Variants in MAGI1 observed in about 807,000 individuals in gnomAD.
The protein encoded by MAGI1 is membrane associated guanylate kinase, WW and PDZ domain containing 1.
MAGI1 carries 58 observed loss-of-function variants against 139.9 expected under a neutral mutation model. That is an observed-to-expected ratio of 0.41 (90% confidence interval 0.34 to 0.52). The LOEUF is 0.52. MAGI1 is among the 20% of genes least tolerant of loss of function. The probability of loss-of-function intolerance (pLI) is 0.12; values close to 1 mark genes in which losing one functional copy is unlikely to be tolerated. For synonymous variants in MAGI1, 812 were observed against 737.9 expected (o/e 1.10, Z -1.63); for missense variants, 1,874 against 1,901.6 (o/e 0.99, Z 0.27).
intron 1 of MAGI1, among the ~76,000 whole-genome samples, chr3:65,709,030 C>T (rs568628990): frequency 4.6e-5 from 7 of 152,166 alleles, no homozygotes; most frequent in African/African-American, 7.2e-5. Context: ...TTTACCTGGA[C>T]CTCAGAAGAG....
At chr3:65,517,095 C>T (rs2077939499) in intron 2 of MAGI1, among the ~76,000 whole-genome samples, 1 of 152,114 alleles carries the variant, frequency 6.6e-6, no homozygotes, top group Non-Finnish European at 1.5e-5. Context: ...GGAAGCTAAG[C>T]TCTAAAATTT....
intron 1 of MAGI1, among the ~76,000 whole-genome samples, chr3:65,661,648 T>C (rs1448093283): frequency 6.6e-6 from 1 of 152,156 alleles, no homozygotes; most frequent in African/African-American, 2.4e-5. Context: ...GGGAAGCATA[T>C]GAAATTCATA....
intron 1 of MAGI1, among the ~76,000 whole-genome samples, chr3:65,749,762 G>A (rs1175583684): frequency 6.6e-6 from 1 of 150,520 alleles, no homozygotes; most frequent in African/African-American, 2.4e-5. Context: ...ATGCAAATGA[G>A]GTTGAGGGTT....
chr3:65,573,782 G>A (rs1024286755), intron 2 of MAGI1, among the ~76,000 whole-genome samples: 1 of 152,112 alleles, frequency 6.6e-6, no homozygotes, highest in African/African-American at 2.4e-5. Flanking sequence ...GAATAGAAAA[G>A]GAAGATGTAA....
At chr3:65,960,088 T>G (rs1023720487) in intron 1 of MAGI1, among the ~76,000 whole-genome samples, 2 of 152,062 alleles carry the variant, frequency 1.3e-5, no homozygotes, top group Non-Finnish European at 2.9e-5. Flanking sequence ...ATTACAGGTG[T>G]GAGCCACCGC....
At chr3:65,378,288 T>C (rs1262267773) in intron 17 of MAGI1, among the ~76,000 whole-genome samples, 1 of 152,208 alleles carries the variant, frequency 6.6e-6, no homozygotes, top group East Asian at 1.9e-4. Flanking sequence ...TGTTTCTCCA[T>C]ACTTTGCTGA....
At chr3:65,804,777 A>C (rs2040741807) in intron 1 of MAGI1, among the ~76,000 whole-genome samples, 1 of 152,196 alleles carries the variant, frequency 6.6e-6, no homozygotes, top group Non-Finnish European at 1.5e-5. Flanking sequence ...CTCAGAAATA[A>C]GGCCACACAT....
At chr3:65,919,186 C>T (rs1387960749) in intron 1 of MAGI1, among the ~76,000 whole-genome samples, 1 of 152,166 alleles carries the variant, frequency 6.6e-6, no homozygotes, top group Non-Finnish European at 1.5e-5. Flanking sequence ...GAGCTTTCCC[C>T]CCAGGAGACA....
At chr3:65,851,832 G>A (rs1429304581) in intron 1 of MAGI1, among the ~76,000 whole-genome samples, 3 of 152,118 alleles carry the variant, frequency 2.0e-5, no homozygotes, top group Admixed American at 2.0e-4. Context: ...AAATATACAG[G>A]CAGAAGTCGA....
chr3:66,024,163 A>G (rs915204068), intron 1 of MAGI1, among the ~76,000 whole-genome samples: 1 of 152,044 alleles, frequency 6.6e-6, no homozygotes, highest in Non-Finnish European at 1.5e-5. Context: ...GAAGTATGAG[A>G]GAAACCAAGT....
rs558743210 is a variant in MAGI1 at position 65,865,831 on chromosome 3, G to A, written c.313+172165C>T. On this transcript the variant is annotated intron_variant, in intron 1 of 22. Coordinates refer to ENST00000402939, the MANE Select transcript of MAGI1 (RefSeq NM_001033057.2). ...AATTCTGTATTTTTAGTAGAGACAC[G>A]GTTTCACCATGTTGGCCAGGCTGGT... is the stretch of plus-strand genomic sequence containing the variant. Among the ~76,000 whole-genome samples the A allele has an allele frequency of 6.6e-5, 10 of 152,118 alleles. No individual in the cohort carries two copies. The East Asian group carries it at 2.0e-3, about 30-fold the overall frequency.
intron 1 of MAGI1, among the ~76,000 whole-genome samples, chr3:65,857,494 T>C (rs2059410848): frequency 6.6e-6 from 1 of 152,158 alleles, no homozygotes; most frequent in African/African-American, 2.4e-5. Context: ...CAGCCCCAAA[T>C]CACACAGAAG....
At chr3:65,874,300 C>T (rs576115456) in intron 1 of MAGI1, 2 of 152,214 alleles carry the variant, frequency 1.3e-5, no homozygotes, top group East Asian at 3.9e-4. Context: ...GTTTAAAAAG[C>T]CTCTGTCTCA....
At chr3:65,873,855 A>C (rs1042574087) in intron 1 of MAGI1, 4 of 152,242 alleles carry the variant, frequency 2.6e-5, no homozygotes, top group African/African-American at 9.6e-5. Flanking sequence ...ACCTAAAACT[A>C]TGAAACTCTT....
intron 1 of MAGI1, among the ~76,000 whole-genome samples, chr3:65,941,544 C>G (rs2063315587): frequency 6.6e-6 from 1 of 152,066 alleles, no homozygotes; most frequent in Non-Finnish European, 1.5e-5. Flanking sequence ...TAGCACTCTC[C>G]CAGTTTTGAC....
intron 9 of MAGI1, among the ~76,000 whole-genome samples, chr3:65,439,124 A>G (rs971256271): frequency 2.0e-5 from 3 of 152,222 alleles, no homozygotes; most frequent in African/African-American, 7.2e-5. Flanking sequence ...TCTAGTAATA[A>G]ACAAATGGCT....
intron 2 of MAGI1, among the ~76,000 whole-genome samples, chr3:65,555,159 T>A (rs1357647459): frequency 2.6e-5 from 4 of 152,238 alleles, no homozygotes; most frequent in Non-Finnish European, 5.9e-5. Context: ...AAGGTTTTTT[T>A]AAATGGTGAT....
intron 5 of MAGI1, among the ~76,000 whole-genome samples, chr3:65,467,294 G>A (rs966860782): frequency 2.0e-5 from 3 of 152,190 alleles, no homozygotes; most frequent in Non-Finnish European, 4.4e-5. Context: ...ATATTTGCAT[G>A]TGAGTGTACA....
At chr3:65,740,380 C>A (rs1008673676) in intron 1 of MAGI1, among the ~76,000 whole-genome samples, 1 of 152,130 alleles carries the variant, frequency 6.6e-6, no homozygotes, top group East Asian at 1.9e-4. Flanking sequence ...ACTGCAAAAA[C>A]CAGTGCTTGG....
Sources: gnomAD v4.1 joint callset for allele counts (sites outside exome capture counted in the v4.1 genomes callset) on GRCh38, gnomAD v4.1.1 for gene constraint, MANE v1.5 for transcripts, NCBI Gene and HGNC (gene_info 2026-07-23, HGNC 2026-07-21) for gene names.